Variants in RBM25 observed in about 807,000 individuals in gnomAD.
RBM25 encodes RNA-binding protein 25.
A neutral mutation model predicts 120.7 loss-of-function variants in RBM25; 19 were observed. The observed-to-expected ratio is 0.16, with a 90% CI of 0.11 to 0.23. RBM25 has a LOEUF of 0.23. Among genes scored for constraint, RBM25 ranks in the 10% least tolerant of loss-of-function variants. The probability of loss-of-function intolerance (pLI) is 1.00; values close to 1 mark genes in which losing one functional copy is unlikely to be tolerated. For synonymous variants in RBM25, 390 were observed against 326.7 expected (o/e 1.19, Z -2.09); for missense variants, 605 against 1,041.5 (o/e 0.58, Z 5.77).
intron 18 of RBM25, among the ~76,000 whole-genome samples, chr14:73,116,166 CG>C (rs1420972200): frequency 6.6e-6 from 1 of 151,956 alleles, no homozygotes; most frequent in Non-Finnish European, 1.5e-5. Context: ...TGAGAAGTGC[CG>C]GGGCTCTAGG....
chr14:73,099,744 A>G lies in RBM25; in HGVS notation c.861A>G (p.Thr287=). The G allele has an allele frequency of 1.2e-6, 2 of 1,608,124 alleles. No homozygotes were observed. The highest frequency in any genetic ancestry group is 1.1e-5 in the South Asian group (1 of 89,600). The change falls in exon 9 of 19, where the codon ACA becomes ACG. Residue 287 remains threonine, a synonymous_variant. Transcript: ENST00000261973. Reference sequence around the variant, plus strand: ...GAGAGATCAGCAAATTCAGAGACACACATAAGGTAGTATTCTTGTCTTTTC... The same window carrying G: ...GAGAGATCAGCAAATTCAGAGACACGCATAAGGTAGTATTCTTGTCTTTTC... ...ISREISKFRD[T]HKKLEEEKGK...
In RBM25 at chr14:73,097,196, C is replaced by CTTTTTTTTTTTTTTTTT. The variant is rs11390922; in HGVS notation, c.729+102_729+118dup. On this transcript the variant is annotated intron_variant, in intron 7 of 18. Transcript: ENST00000261973. Reference sequence around the variant, plus strand: ...ACATGTCAGTTTTCTTTTTTCTTTTCTTTTTTTTTTTTTTTTTTTTTTGAG... The same window carrying CTTTTTTTTTTTTTTTTT: ...ACATGTCAGTTTTCTTTTTTCTTTTCTTTTTTTTTTTTTTTTTTTTTTTTTTTTTTTTTTTTTTTGAG... 32 of 140,074 alleles carry CTTTTTTTTTTTTTTTTT rather than the reference C, an allele frequency of 2.3e-4. 2 individuals are homozygous for CTTTTTTTTTTTTTTTTT. The highest frequency in any genetic ancestry group is 1.1e-3 in the African/African-American group (17 of 15,636). The allele number at this position is 140,074 out of a possible 1,614,324, so 8.7% of individuals were successfully genotyped here. A position where few individuals can be genotyped will look rare whatever the true frequency, so the allele number is the denominator to read the frequency against.
intron 18 of RBM25, among the ~76,000 whole-genome samples, chr14:73,114,765 G>A (rs141663157): frequency 6.6e-6 from 1 of 152,134 alleles, no homozygotes; most frequent in Non-Finnish European, 1.5e-5. Flanking sequence ...GTGGTGGCGT[G>A]TGCCTATAGT....
chr14:73,086,905 A>G (rs1566589689), intron 5 of RBM25, among the ~76,000 whole-genome samples: 1 of 152,042 alleles, frequency 6.6e-6, no homozygotes. Flanking sequence ...GGGTTTCACC[A>G]TGTTGGCCAG....
At chr14:73,070,444 A>T (rs1454991051) in intron 1 of RBM25, among the ~76,000 whole-genome samples, 2 of 196 alleles carry the variant, frequency 0.01, no homozygotes, top group Non-Finnish European at 0.019. Flanking sequence ...TTTAAGTTTA[A>T]AAAAAAAAAC....
chr14:73,112,158 A>T lies in RBM25; in HGVS notation c.2299A>T (p.Met767Leu). 6.2e-7 allele frequency: 1 copy of T among 1,603,500 alleles called. No homozygotes were observed. The part of the protein sequence containing the change: ...LDWSIVDSIL[M>L]ERRIRPWINK... ...ACCGTGGTTTGTTTTGCAGATACTG[A>T]TGGAACGTCGAATTAGACCATGGAT... The change falls in exon 17 of 19, where the codon ATG (methionine) becomes TTG (leucine). Residue 767 changes from methionine (M) to leucine (L), a missense_variant. Around this residue, in one of 4 missense-constraint regions of RBM25, gnomAD observed 465 missense variants for 741.6 expected, o/e 0.63. Transcript: ENST00000261973.
chr14:73,109,834 C>T (rs115400921), intron 14 of RBM25, among the ~76,000 whole-genome samples: 1 of 151,898 alleles, frequency 6.6e-6, no homozygotes, highest in Non-Finnish European at 1.5e-5. Context: ...AGTAGTAGTA[C>T]GGATTACAGG....
intron 18 of RBM25, among the ~76,000 whole-genome samples, chr14:73,118,401 C>G (rs1233324875): frequency 1.3e-5 from 2 of 151,248 alleles, no homozygotes; most frequent in Non-Finnish European, 2.9e-5. Flanking sequence ...TCACTTGAGC[C>G]TGGGAGGTCA....
At chr14:73,088,434 A>G in intron 6 of RBM25, 1 of 554,518 alleles carries the variant, frequency 1.8e-6, no homozygotes, top group Non-Finnish European at 3.4e-6. Flanking sequence ...ACTGGTACAG[A>G]CTATTCCAAA....
intron 1 of RBM25, among the ~76,000 whole-genome samples, chr14:73,064,369 T>A (rs1895076173): frequency 6.6e-6 from 1 of 151,376 alleles, no homozygotes; most frequent in South Asian, 2.1e-4. Flanking sequence ...TGAGAAATGT[T>A]TTCTGATTTT....
At chr14:73,083,184 C>G (rs1414375619) in intron 4 of RBM25, among the ~76,000 whole-genome samples, 3 of 152,288 alleles carry the variant, frequency 2.0e-5, no homozygotes, top group Middle Eastern at 3.4e-3. Flanking sequence ...TTTAACCATT[C>G]TAATTTTAGG....
Position 73,088,164 on chromosome 14 carries a change from A to G in RBM25, c.543+3A>G, listed in dbSNP as rs764064734. 3 of 1,613,762 alleles carry G rather than the reference A, an allele frequency of 1.9e-6. No individual in the cohort carries two copies. The highest frequency in any genetic ancestry group is 3.3e-5 in the Admixed American group (2 of 59,924). The stretch of plus-strand genomic sequence containing the variant: ...CAAAGAAGAAAGCTTCTAATGGGGT[A>G]TGTTTTCTGTCGTGTTATCTTTTCT... On this transcript the variant is annotated splice_donor_region_variant and intron_variant, in intron 6 of 18. Coordinates refer to ENST00000261973, the MANE Select transcript of RBM25 (RefSeq NM_021239.3).
At chr14:73,068,382 A>G (rs1017869977) in intron 1 of RBM25, 8 of 553,070 alleles carry the variant, frequency 1.4e-5, no homozygotes, top group Middle Eastern at 5.0e-4. Context: ...CAATGCTTGT[A>G]TTTGATTTTT....
At chr14:73,087,053 A>G (rs1895702647) in intron 5 of RBM25, among the ~76,000 whole-genome samples, 1 of 8,336 alleles carries the variant, frequency 1.2e-4, no homozygotes, top group African/African-American at 7.1e-4. Flanking sequence ...ATGGTATATC[A>G]CACTGAAATG....
At chr14:73,103,984 A>ACTCTCT in intron 10 of RBM25, among the ~76,000 whole-genome samples, 1 of 114,858 alleles carries the variant, frequency 8.7e-6, no homozygotes, top group South Asian at 2.8e-4. Flanking sequence ...ACACACACAC[A>ACTCTCT]CACACACACA....
intron 3 of RBM25, 125 bp downstream of exon 3, chr14:73,076,493 C>A: frequency 1.3e-6 from 1 of 787,718 alleles, no homozygotes; most frequent in Non-Finnish European, 2.0e-6. Flanking sequence ...ATGACAGCAC[C>A]CCTGTAGAGC....
At chr14:73,095,480 C>T (rs1895922298) in intron 6 of RBM25, among the ~76,000 whole-genome samples, 1 of 151,906 alleles carries the variant, frequency 6.6e-6, no homozygotes, top group African/African-American at 2.4e-5. Flanking sequence ...GTGGCGGGAG[C>T]CTGTGGTCCC....
In RBM25 at chr14:73,121,410, C is replaced by G. The variant is rs1332114541; in HGVS notation, c.*1605C>G. 1 of 152,318 alleles carries G rather than the reference C, an allele frequency of 6.6e-6. No individual in the cohort carries two copies. The highest frequency in any genetic ancestry group is 1.5e-5 in the Non-Finnish European group (1 of 67,988). The allele number at this position is 152,318 out of a possible 1,614,324, so 9.4% of individuals were successfully genotyped here. ...AGAAAAGTTAAAAATATGGGCTGAA[C>G]TTTTTATGGACTTGATTTTTATGAC... On this transcript the variant is annotated 3_prime_UTR_variant, in exon 19 of 19. Transcript: ENST00000261973.
At chr14:73,068,958 T>TGGCACTCTCCAGCTC (rs1199254056) in intron 1 of RBM25, among the ~76,000 whole-genome samples, 1 of 152,076 alleles carries the variant, frequency 6.6e-6, no homozygotes, top group Non-Finnish European at 1.5e-5. Context: ...GGCTGGAGTG[T>TGGCACTCTCCAGCTC]AGTGGCACGA....
Sources: allele counts gnomAD v4.1 joint callset (sites outside exome capture counted in the v4.1 genomes callset), GRCh38; gene constraint gnomAD v4.1.1; regional missense constraint gnomAD v4.1.1; transcripts MANE v1.5; gene names NCBI Gene and HGNC (gene_info 2026-07-23, HGNC 2026-07-21).